The following ACTL8 variants were observed in gnomAD, a reference collection of about 807,000 sequenced individuals.
ACTL8 encodes actin like 8.
Under a neutral mutation model 9.3 loss-of-function variants are expected in ACTL8, and 3 were observed. That is an observed-to-expected ratio of 0.32 (90% confidence interval 0.15 to 0.83). The LOEUF is 0.83. Among genes scored for constraint, ACTL8 ranks in the 40% least tolerant of loss-of-function variants. The pLI, the probability that ACTL8 is intolerant of heterozygous loss-of-function variation, is 0.57. For synonymous variants in ACTL8, 224 were observed against 205.9 expected, an observed-to-expected ratio of 1.09 and a Z score of -0.75; for missense variants, 381 against 492.2, an observed-to-expected ratio of 0.77 and a Z score of 2.14.
At chr1:17,775,844 G>T (rs2066115355) in intron 1 of ACTL8, among the ~76,000 whole-genome samples, 3 of 152,180 alleles carry the variant, frequency 2.0e-5, no homozygotes, top group Admixed American at 1.3e-4. Flanking sequence ...GTCTAGTAGA[G>T]TAGACAGACC....
At chr1:17,815,697 T>A (rs144788726) in intron 1 of ACTL8, among the ~76,000 whole-genome samples, 106 of 152,358 alleles carry the variant, frequency 7.0e-4, no homozygotes, top group African/African-American at 2.5e-3. Flanking sequence ...CTTTGTAGAT[T>A]TGTCTTTGAC....
intron 1 of ACTL8, among the ~76,000 whole-genome samples, chr1:17,798,481 C>T (rs1302428630): frequency 2.0e-5 from 3 of 152,062 alleles, no homozygotes; most frequent in Non-Finnish European, 2.9e-5. Flanking sequence ...AGATGCTGGG[C>T]TTGGAGAAGG....
rs1211279296 is a variant in ACTL8, at chr1:17,805,387, T to G, written c.-24-17598T>G. Among the ~76,000 whole-genome samples, 5 of 120,064 alleles carry G rather than the reference T, an allele frequency of 4.2e-5. No homozygotes were observed. In the Admixed American group the frequency reaches 5.6e-4, roughly 14 times the overall value. The allele number at this position is 120,064 out of a possible 152,430, so 78.8% of individuals were successfully genotyped here. On this transcript the variant is annotated intron_variant, in intron 1 of 2. Coordinates refer to ENST00000375406, the MANE Select transcript of ACTL8 (RefSeq NM_030812.3). Reference sequence around the variant, plus strand: ...TTTCTTTTTCTTTTTCTTTTTTTTTTTTTTTTTTTTTTTTTTGAGATTAAG... The same window carrying G: ...TTTCTTTTTCTTTTTCTTTTTTTTTGTTTTTTTTTTTTTTTTGAGATTAAG...
chr1:17,793,526 C>T (rs1222037979), intron 1 of ACTL8, among the ~76,000 whole-genome samples: 1 of 152,178 alleles, frequency 6.6e-6, no homozygotes, highest in East Asian at 1.9e-4. Flanking sequence ...CCGGCCATTT[C>T]CAGTTAAAAT....
At position 17,826,203 on chromosome 1, in the gene ACTL8, C is replaced by T; in HGVS notation, c.785C>T (p.Pro262Leu). The stretch of plus-strand genomic sequence containing the variant: ...GTGGCTCCTGAGATGTTCTTTAGCC[C>T]GCAGGTGTTCGAGCAGCCGGGGCCC... ...QRVAPEMFFSPQVFEQPGPSI... is the reference protein window; with the variant it reads ...QRVAPEMFFSLQVFEQPGPSI... Residue 262 changes from proline to leucine, a missense_variant, in exon 3 of 3, where the codon CCG becomes CTG. Transcript: ENST00000375406. This position sits in a 1 kb window ranked among gnomAD's most constrained non-coding sequence, Gnocchi z 4.5. The T allele has an allele frequency of 1.9e-6, 3 of 1,613,356 alleles. No homozygotes were observed. Among genetic ancestry groups the T allele is most frequent in the Middle Eastern group, 1.7e-4 (1 of 6,060 alleles).
chr1:17,802,420 CGTGCGT>C (rs1357484664), intron 1 of ACTL8, among the ~76,000 whole-genome samples: 2 of 126,336 alleles, frequency 1.6e-5, no homozygotes, highest in African/African-American at 6.5e-5. Flanking sequence ...GATGACTGTG[CGTGCGT>C]GTGTGTGTGT....
chr1:17,776,059 G>A (rs1168148048), intron 1 of ACTL8, among the ~76,000 whole-genome samples: 2 of 152,210 alleles, frequency 1.3e-5, no homozygotes, highest in East Asian at 1.9e-4. Flanking sequence ...CACATAGCCT[G>A]TAAATGATGG....
intron 1 of ACTL8, among the ~76,000 whole-genome samples, chr1:17,773,277 G>T (rs2066096062): frequency 6.6e-6 from 1 of 152,198 alleles, no homozygotes; most frequent in Non-Finnish European, 1.5e-5. Flanking sequence ...CAGGCTGAGA[G>T]TCTGGACCCT....
chr1:17,781,484 C>T (rs2102683444), intron 1 of ACTL8, among the ~76,000 whole-genome samples: 1 of 152,250 alleles, frequency 6.6e-6, no homozygotes, highest in South Asian at 2.1e-4. Flanking sequence ...GGTGATCTGC[C>T]TGCCTCGACC....
At chr1:17,809,209 G>A (rs532405185) in intron 1 of ACTL8, among the ~76,000 whole-genome samples, 1 of 152,276 alleles carries the variant, frequency 6.6e-6, no homozygotes, top group African/African-American at 2.4e-5. Flanking sequence ...GGTGGTGCTT[G>A]GGAGAGGTAG....
rs2066034430 is a variant in ACTL8, at chr1:17,765,038, T to C, written c.-25+9534T>C. On this transcript the variant is annotated intron_variant, in intron 1 of 2. Transcript: ENST00000375406. ...TGCCAACTGTGCAGCGGTTGGGGGC[T>C]CCAGCCAGAGTGGAGTTGGAAGGGA... Among the ~76,000 whole-genome samples, 4 of 152,168 alleles carry C rather than the reference T, an allele frequency of 2.6e-5. No individual in the cohort carries two copies. In the South Asian group the frequency reaches 8.3e-4, roughly 32 times the overall value.
chr1:17,798,052 T>G (rs1468318487), intron 1 of ACTL8, among the ~76,000 whole-genome samples: 3 of 150,250 alleles, frequency 2.0e-5, no homozygotes, highest in African/African-American at 7.4e-5. Context: ...TGACAATCTG[T>G]GTTACCTCCA....
In ACTL8 at chr1:17,771,029, A is replaced by G. The variant is rs117783926; in HGVS notation, c.-25+15525A>G. Among the ~76,000 whole-genome samples the G allele has an allele frequency of 2.0e-5, 3 of 152,310 alleles. No homozygotes were observed. The East Asian group carries it at 5.8e-4, about 29-fold the overall frequency. On this transcript the variant is annotated intron_variant, in intron 1 of 2. Transcript: ENST00000375406. ...GACAGCAGTTACCGCCTCATAGGTT[A>G]TCGTGAGGATTGAGATGATACTTGT...
chr1:17,826,691 A>T lies in ACTL8; in HGVS notation c.*172A>T, dbSNP rs1381220379. The T allele has an allele frequency of 1.6e-6, 1 of 608,784 alleles. No homozygotes were observed. Among genetic ancestry groups the T allele is most frequent in the African/African-American group, 1.8e-5 (1 of 54,682 alleles). The allele number at this position is 608,784 out of a possible 1,614,324, so 37.7% of individuals were successfully genotyped here. On this transcript the variant is annotated 3_prime_UTR_variant, in exon 3 of 3. Transcript: ENST00000375406. The surrounding 1 kb of genome is among the most constrained non-coding windows in gnomAD (Gnocchi z 4.5). ...TTCTAAGGTTTTATCTTGTTGCAAG[A>T]GTGGGACCTACCCAAGGGGGAAGAC...
chr1:17,816,664 G>A lies in ACTL8; in HGVS notation c.-24-6321G>A, dbSNP rs142803424. ...CAACTCCGTCTTGTCCTTTGTGGGT[G>A]GTGATTCCGCTGTGAGTTCAGTACA... On this transcript the variant is annotated intron_variant, in intron 1 of 2. Transcript: ENST00000375406. 7.9e-5 allele frequency among the ~76,000 whole-genome samples: 12 copies of A among 152,286 alleles called. No individual in the cohort carries two copies. The East Asian group carries it at 2.3e-3, about 29-fold the overall frequency.
At chr1:17,758,028 A>G (rs1159863781) in intron 1 of ACTL8, among the ~76,000 whole-genome samples, 1 of 152,194 alleles carries the variant, frequency 6.6e-6, no homozygotes, top group Non-Finnish European at 1.5e-5. Context: ...GCCACCACCT[A>G]TGTTCCACAA....
intron 1 of ACTL8, among the ~76,000 whole-genome samples, chr1:17,774,310 C>T (rs12117726): frequency 0.28 from 42,052 of 151,834 alleles, 6,474 homozygotes; most frequent in Admixed American, 0.37. Context: ...CCCTTGCCCA[C>T]GCTGGGGGGT....
At chr1:17,769,892 T>C (rs548676443) in intron 1 of ACTL8, among the ~76,000 whole-genome samples, 1 of 152,346 alleles carries the variant, frequency 6.6e-6, no homozygotes, top group East Asian at 1.9e-4. Flanking sequence ...TGAAAGATAG[T>C]ATAGGCCAAT....
chr1:17,819,898 A>T (rs2053635485), intron 1 of ACTL8, among the ~76,000 whole-genome samples: 1 of 151,814 alleles, frequency 6.6e-6, no homozygotes, highest in Middle Eastern at 3.2e-3. Flanking sequence ...AGCCCCAGCT[A>T]CCCAGGAGGC....
Sources: gnomAD v4.1 joint callset for allele counts (sites outside exome capture counted in the v4.1 genomes callset) on GRCh38, gnomAD v4.1.1 for gene constraint, Gnocchi (gnomAD v3.1) non-coding constraint, MANE v1.5 for transcripts, NCBI Gene and HGNC (gene_info 2026-07-23, HGNC 2026-07-21) for gene names.